PIEZO2: variants seen among roughly 807,000 people sequenced by gnomAD.
The protein encoded by PIEZO2 is piezo type mechanosensitive ion channel component 2.
In PIEZO2, 172 loss-of-function variants were observed where a neutral mutation model predicts 337.3. The ratio of observed to expected loss-of-function variants is 0.51; its 90% CI spans 0.45 to 0.58. The LOEUF (loss-of-function observed/expected upper bound fraction) is 0.58. PIEZO2 is among the 20% of genes least tolerant of loss of function. The pLI, the probability that PIEZO2 is intolerant of heterozygous loss-of-function variation, is 0.00. For missense variants in PIEZO2, 3,028 were observed against 3,391.3 expected (o/e 0.89, Z 2.66); for synonymous variants, 1,251 against 1,228.5 (o/e 1.02, Z -0.38).
chr18:11,055,209 T>C (rs369940208), intron 2 of PIEZO2, among the ~76,000 whole-genome samples: 765 of 20,452 alleles, frequency 0.037, 9 homozygotes, highest in African/African-American at 0.22. Flanking sequence ...AGACTCTGTC[T>C]CAAAAAAAAA....
intron 1 of PIEZO2, among the ~76,000 whole-genome samples, chr18:11,075,952 G>T (rs993016668): frequency 2.0e-5 from 3 of 151,942 alleles, no homozygotes; most frequent in African/African-American, 7.3e-5. Context: ...ACCATGCCCG[G>T]CTAATTTGTA....
intron 8 of PIEZO2, among the ~76,000 whole-genome samples, chr18:10,804,638 AC>A (rs1287706571): frequency 2.0e-5 from 3 of 151,486 alleles, no homozygotes; most frequent in African/African-American, 7.3e-5. Flanking sequence ...CCAGAGTAGA[AC>A]TCCTAAGCAG....
rs1277650072 is a variant in PIEZO2, at chr18:10,770,244, C to T, written c.2850G>A (p.Glu950=). The change falls in exon 21 of 56, where the codon GAG becomes GAA. Residue 950 remains glutamate, a synonymous_variant. Coordinates refer to ENST00000674853, the MANE Select transcript of PIEZO2 (RefSeq NM_001378183.1). ...RLTVLFLKFL[E]YFHKLQVFMW... is the part of the protein sequence containing the mutation. ...TGAACACCTGCAGCTTGTGAAAATACTCCAGGAATTTTAAGAAGAGCACAG... is the reference window on the plus strand; with the variant it reads ...TGAACACCTGCAGCTTGTGAAAATATTCCAGGAATTTTAAGAAGAGCACAG... The T allele has an allele frequency of 6.5e-7, 1 of 1,537,682 alleles. No individual in the cohort carries two copies.
rs913395470 is a variant in PIEZO2, at chr18:10,903,897, A to G, written c.329+7289T>C. ...TCCCATCCCTGTCCCCCAACTATGCAGCCAGGCCTTGCCTCAACCTCACAC... is the reference window on the plus strand; with the variant it reads ...TCCCATCCCTGTCCCCCAACTATGCGGCCAGGCCTTGCCTCAACCTCACAC... On this transcript the variant is annotated intron_variant, in intron 4 of 55. Transcript: ENST00000674853. The surrounding 1 kb of genome is among the most constrained non-coding windows in gnomAD (Gnocchi z 4.1). 3.9e-5 allele frequency among the ~76,000 whole-genome samples: 6 copies of G among 152,174 alleles called. No homozygotes were observed. The highest frequency in any genetic ancestry group is 8.8e-5 in the Non-Finnish European group (6 of 68,032).
intron 27 of PIEZO2, among the ~76,000 whole-genome samples, chr18:10,755,829 G>T (rs1183996896): frequency 7.1e-6 from 1 of 141,504 alleles, no homozygotes; most frequent in Non-Finnish European, 1.6e-5. Flanking sequence ...AGGACCAAGG[G>T]ATGAGGAGGA....
At chr18:11,117,896 G>A (rs2039932821) in intron 1 of PIEZO2, among the ~76,000 whole-genome samples, 1 of 152,188 alleles carries the variant, frequency 6.6e-6, no homozygotes. Flanking sequence ...CCACTTGAAA[G>A]CCAAGGGATA....
intron 1 of PIEZO2, among the ~76,000 whole-genome samples, chr18:11,084,871 T>C (rs1316312286): frequency 6.6e-6 from 1 of 152,136 alleles, no homozygotes. Context: ...TAGAGACTAA[T>C]GGTAATAACA....
At position 10,815,841 on chromosome 18, in the gene PIEZO2, G is replaced by T. The variant is rs1440049574; in HGVS notation, c.918-8567C>A. Among the ~76,000 whole-genome samples the T allele has an allele frequency of 2.0e-5, 3 of 152,146 alleles. No individual in the cohort carries two copies. The highest frequency in any genetic ancestry group is 2.9e-5 in the Non-Finnish European group (2 of 68,036). Reference sequence around the variant, plus strand: ...AAAAACAGTTCCAAATTTCTACCCAGTTATACAGCTCATGAGGTGGAGGCC... The same window carrying T: ...AAAAACAGTTCCAAATTTCTACCCATTTATACAGCTCATGAGGTGGAGGCC... On this transcript the variant is annotated intron_variant, in intron 7 of 55. Coordinates refer to ENST00000674853, the MANE Select transcript of PIEZO2 (RefSeq NM_001378183.1). The surrounding 1 kb of genome is among the most constrained non-coding windows in gnomAD (Gnocchi z 4.1).
At chr18:11,074,839 C>T (rs56333741) in intron 1 of PIEZO2, among the ~76,000 whole-genome samples, 211 of 152,290 alleles carry the variant, frequency 1.4e-3, no homozygotes, top group Middle Eastern at 3.4e-3. Flanking sequence ...GAGAGGTTTA[C>T]GCACACTTTA....
At chr18:10,805,321 C>T in intron 8 of PIEZO2, among the ~76,000 whole-genome samples, 1 of 152,214 alleles carries the variant, frequency 6.6e-6, no homozygotes, top group Admixed American at 6.5e-5. Flanking sequence ...CCAGACCAGC[C>T]TGGCCAACAT....
At position 11,116,049 on chromosome 18, in the gene PIEZO2, A is replaced by G. The variant is rs1021898448; in HGVS notation, c.64+32476T>C. Among the ~76,000 whole-genome samples, 4 of 152,238 alleles carry G rather than the reference A, an allele frequency of 2.6e-5. No individual in the cohort carries two copies. The highest frequency in any genetic ancestry group is 2.6e-4 in the Admixed American group (4 of 15,282). ...ACATGTTTTAGGAGGAAACATTAGT[A>G]ATAAAAATGTATTTTCACAGTGTTT... On this transcript the variant is annotated intron_variant, in intron 1 of 55. Transcript: ENST00000674853. This position sits in a 1 kb window ranked among gnomAD's most constrained non-coding sequence, Gnocchi z 5.0.
Position 11,110,642 on chromosome 18 carries a change from A to G in PIEZO2, c.64+37883T>C, listed in dbSNP as rs1180143913. Among the ~76,000 whole-genome samples, 6 of 152,220 alleles carry G rather than the reference A, an allele frequency of 3.9e-5. No individual in the cohort carries two copies. Among genetic ancestry groups the G allele is most frequent in the Non-Finnish European group, 8.8e-5 (6 of 68,032 alleles). On this transcript the variant is annotated intron_variant, in intron 1 of 55. Transcript: ENST00000674853. The surrounding 1 kb of genome is among the most constrained non-coding windows in gnomAD (Gnocchi z 4.2). ...TGGAGCCGGTGAGCAGCCCCAGGCCAGGCTAGCAAGTCAGTGGCCTCTGAT... is the reference window on the plus strand; with the variant it reads ...TGGAGCCGGTGAGCAGCCCCAGGCCGGGCTAGCAAGTCAGTGGCCTCTGAT...
chr18:10,967,746 A>C (rs2034072023), intron 3 of PIEZO2, among the ~76,000 whole-genome samples: 1 of 152,104 alleles, frequency 6.6e-6, no homozygotes, highest in South Asian at 2.1e-4. Context: ...TCTTCTTTTG[A>C]GAATTGTCTA....
At chr18:11,029,992 C>G (rs777086059) in intron 2 of PIEZO2, among the ~76,000 whole-genome samples, 2 of 152,166 alleles carry the variant, frequency 1.3e-5, no homozygotes, top group African/African-American at 4.8e-5. Context: ...TATTTTTTAT[C>G]TCTTCTGAAA....
At chr18:11,043,734 G>A (rs192909897) in intron 2 of PIEZO2, among the ~76,000 whole-genome samples, 43 of 151,418 alleles carry the variant, frequency 2.8e-4, no homozygotes, top group Admixed American at 2.4e-3. Context: ...TTGCTCTGTT[G>A]CCCAGGCTCA....
rs1347135863 is a variant in PIEZO2 at position 10,785,726 on chromosome 18, G to A, written c.2319-769C>T. Reference sequence around the variant, plus strand: ...CTTGAATTGCCCACTCCTGTTATCCGTCTCTGCCTCCACCAAATCTAGGGG... The same window carrying A: ...CTTGAATTGCCCACTCCTGTTATCCATCTCTGCCTCCACCAAATCTAGGGG... On this transcript the variant is annotated intron_variant, in intron 16 of 55. Coordinates refer to ENST00000674853, the MANE Select transcript of PIEZO2 (RefSeq NM_001378183.1). 5.3e-5 allele frequency among the ~76,000 whole-genome samples: 8 copies of A among 151,968 alleles called. No individual in the cohort carries two copies. In the South Asian group the frequency reaches 6.3e-4, roughly 12 times the overall value.
In PIEZO2 at chr18:10,863,619, C is replaced by T. The variant is rs2041932047; in HGVS notation, c.493-6408G>A. Among the ~76,000 whole-genome samples the T allele has an allele frequency of 1.3e-5, 2 of 152,160 alleles. No individual in the cohort carries two copies. The highest frequency in any genetic ancestry group is 4.8e-5 in the African/African-American group (2 of 41,430). ...TCCAATTCCTACCACATGTACTCCC[C>T]TACCCCTAGGATTCTGACTTCATAG... On this transcript the variant is annotated intron_variant, in intron 5 of 55. Transcript: ENST00000674853. This position sits in a 1 kb window ranked among gnomAD's most constrained non-coding sequence, Gnocchi z 4.3.
chr18:10,735,682 C>A (rs771651102), intron 34 of PIEZO2, among the ~76,000 whole-genome samples: 148 of 152,154 alleles, frequency 9.7e-4, no homozygotes, highest in Non-Finnish European at 1.7e-3. Context: ...AAGAAACAGA[C>A]ACAAGAAGCA....
chr18:10,752,714 G>C lies in PIEZO2; in HGVS notation c.4089C>G (p.Pro1363=). 1 of 1,537,202 alleles carries C rather than the reference G, an allele frequency of 6.5e-7. No individual in the cohort carries two copies. The highest frequency in any genetic ancestry group is 8.7e-7 in the Non-Finnish European group (1 of 1,146,900). ...LLFGGDLLLK[P]IKSILRYWDW... is the part of the protein sequence containing the mutation. ...CCCAGTAGCGCAGGATGCTCTTGAT[G>C]GGTTTCAACAGCAAATCGCCCCCAA... is the stretch of plus-strand genomic sequence containing the variant. The change falls in exon 28 of 56, where the codon CCC becomes CCG. Residue 1363 remains proline, a synonymous_variant. Transcript: ENST00000674853.
Sources: allele counts gnomAD v4.1 joint callset (sites outside exome capture counted in the v4.1 genomes callset), GRCh38; gene constraint gnomAD v4.1.1; non-coding constraint Gnocchi (gnomAD v3.1); transcripts MANE v1.5; gene names NCBI Gene and HGNC (gene_info 2026-07-23, HGNC 2026-07-21).